ZNF423: variants seen among roughly 807,000 people sequenced by gnomAD.
ZNF423 encodes Ebf-associated zinc finger protein.
Under a neutral mutation model 95.8 loss-of-function variants are expected in ZNF423, and 12 were observed. The observed-to-expected ratio is 0.13, with a 90% CI of 0.08 to 0.20. The LOEUF (loss-of-function observed/expected upper bound fraction) is 0.20, where lower values mean the gene tolerates loss of function less well. ZNF423 is among the 10% of genes least tolerant of loss of function. The pLI, the probability that ZNF423 is intolerant of heterozygous loss-of-function variation, is 1.00. For synonymous variants in ZNF423, 749 were observed against 711.9 expected, an observed-to-expected ratio of 1.05 and a Z score of -0.83; for missense variants, 1,316 against 1,737.1, an observed-to-expected ratio of 0.76 and a Z score of 4.31.
intron 3 of ZNF423, among the ~76,000 whole-genome samples, chr16:49,688,212 G>A (rs914840182): frequency 7.9e-5 from 12 of 152,044 alleles, no homozygotes; most frequent in Admixed American, 6.6e-4. Context: ...CCCAGGGACC[G>A]AGCTTAAGTA....
chr16:49,607,278 C>A (rs1971570307), intron 5 of ZNF423, among the ~76,000 whole-genome samples: 1 of 151,952 alleles, frequency 6.6e-6, no homozygotes, highest in Non-Finnish European at 1.5e-5. Context: ...TGCAGCCCTG[C>A]ATAACAGGCC....
At chr16:49,653,652 G>A (rs1009032677) in intron 3 of ZNF423, among the ~76,000 whole-genome samples, 3 of 152,186 alleles carry the variant, frequency 2.0e-5, no homozygotes, top group Non-Finnish European at 2.9e-5. Flanking sequence ...TGATGGCTTA[G>A]AGGGAAGCAG....
At chr16:49,506,836 C>CATGG (rs1181579032) in intron 7 of ZNF423, among the ~76,000 whole-genome samples, 2 of 143,824 alleles carry the variant, frequency 1.4e-5, no homozygotes, top group South Asian at 2.2e-4. Flanking sequence ...AGGATGGATG[C>CATGG]ATGGATGGAT....
chr16:49,664,104 C>CA, intron 3 of ZNF423: 7 of 985,644 alleles, frequency 7.1e-6, no homozygotes, highest in Non-Finnish European at 8.4e-6. Flanking sequence ...TCCCCCTGCT[C>CA]ACCAGGGCGT....
At chr16:49,582,689 CAA>C (rs150215518) in intron 5 of ZNF423, among the ~76,000 whole-genome samples, 7,090 of 152,176 alleles carry the variant, frequency 0.047, 169 homozygotes, top group Non-Finnish European at 0.052. Flanking sequence ...AGGGAGGAGT[CAA>C]GAGGGGTTAG....
At chr16:49,531,700 G>A (rs1968852004) in intron 5 of ZNF423, among the ~76,000 whole-genome samples, 1 of 152,322 alleles carries the variant, frequency 6.6e-6, no homozygotes, top group South Asian at 2.1e-4. Flanking sequence ...ATTTAGGCTG[G>A]GAGTCAACCA....
chr16:49,808,434 A>G (rs2034699737), intron 1 of ZNF423, among the ~76,000 whole-genome samples: 1 of 152,184 alleles, frequency 6.6e-6, no homozygotes, highest in Non-Finnish European at 1.5e-5. Flanking sequence ...ATAAATATAT[A>G]TAAGTATGAA....
Position 49,490,114 on chromosome 16 carries a change from G to A in ZNF423, c.*1161C>T, listed in dbSNP as rs1377592848. On this transcript the variant is annotated 3_prime_UTR_variant, in exon 8 of 8. Transcript: ENST00000563137. ...TACTGATCTCTATGACTGGGAACCT[G>A]CGGCTCCTACCTGGCTCTGCTCTGC... 6.6e-6 allele frequency: 1 copy of A among 152,272 alleles called. No homozygotes were observed. The highest frequency in any genetic ancestry group is 2.4e-5 in the African/African-American group (1 of 41,452). 9.4% of individuals were successfully genotyped at this position (152,272 alleles called of 1,614,324 possible). A position where few individuals can be genotyped will look rare whatever the true frequency, so the allele number is the denominator to read the frequency against.
chr16:49,597,358 G>A (rs770234777), intron 5 of ZNF423, among the ~76,000 whole-genome samples: 8 of 152,132 alleles, frequency 5.3e-5, no homozygotes, highest in South Asian at 4.1e-4. Flanking sequence ...ACCCTGAGAC[G>A]TGCTGTCAGT....
chr16:49,763,730 TC>T (rs2033873986), intron 2 of ZNF423, among the ~76,000 whole-genome samples: 2 of 152,264 alleles, frequency 1.3e-5, no homozygotes. Flanking sequence ...TGGTTGTTCA[TC>T]TTTATTGCTG....
intron 3 of ZNF423, among the ~76,000 whole-genome samples, chr16:49,670,706 G>C (rs1056911942): frequency 1.3e-5 from 2 of 152,204 alleles, no homozygotes; most frequent in African/African-American, 4.8e-5. Context: ...TGAAACCCAA[G>C]CAAAACAGCA....
At chr16:49,509,788 C>T (rs1193279612) in intron 7 of ZNF423, among the ~76,000 whole-genome samples, 1 of 152,172 alleles carries the variant, frequency 6.6e-6, no homozygotes, top group Non-Finnish European at 1.5e-5. Flanking sequence ...AAACATCCTG[C>T]CCTTGGTGTT....
At chr16:49,784,864 C>A (rs534887173) in intron 2 of ZNF423, among the ~76,000 whole-genome samples, 34 of 151,376 alleles carry the variant, frequency 2.2e-4, no homozygotes, top group African/African-American at 8.0e-4. Flanking sequence ...GCAGGAGAAT[C>A]GCTTGAACCC....
At chr16:49,750,999 G>A (rs373567925) in intron 2 of ZNF423, among the ~76,000 whole-genome samples, 25 of 152,262 alleles carry the variant, frequency 1.6e-4, no homozygotes, top group Admixed American at 9.1e-4. Flanking sequence ...GAGGCCCGAC[G>A]GCGACGAAAG....
intron 1 of ZNF423, among the ~76,000 whole-genome samples, chr16:49,814,469 G>A (rs1043729265): frequency 4.1e-4 from 62 of 151,162 alleles, no homozygotes; most frequent in African/African-American, 1.5e-3. Context: ...GGCTGTGCCA[G>A]GATAAACTGC....
intron 3 of ZNF423, among the ~76,000 whole-genome samples, chr16:49,727,382 T>C (rs1400808128): frequency 6.6e-6 from 1 of 151,868 alleles, no homozygotes; most frequent in African/African-American, 2.4e-5. Context: ...GAAGCTCCCC[T>C]CCCACCCCTG....
intron 3 of ZNF423, among the ~76,000 whole-genome samples, chr16:49,648,471 G>A (rs1349564676): frequency 3.9e-5 from 6 of 151,994 alleles, no homozygotes; most frequent in East Asian, 1.9e-4. Context: ...GAGAAACCCC[G>A]TCTCTACTAA....
At chr16:49,642,787 A>G (rs1305132196) in intron 3 of ZNF423, among the ~76,000 whole-genome samples, 2 of 149,000 alleles carry the variant, frequency 1.3e-5, no homozygotes, top group African/African-American at 5.0e-5. Context: ...CAGCAGAGAA[A>G]GCGGTTCTCT....
chr16:49,502,025 C>T (rs1184552919), intron 7 of ZNF423, among the ~76,000 whole-genome samples: 1 of 152,164 alleles, frequency 6.6e-6, no homozygotes, highest in Non-Finnish European at 1.5e-5. Flanking sequence ...TTCCTGGAAT[C>T]TAAAATAAAA....
Sources: allele counts gnomAD v4.1 joint callset (sites outside exome capture counted in the v4.1 genomes callset), GRCh38; gene constraint gnomAD v4.1.1; transcripts MANE v1.5; gene names NCBI Gene and HGNC (gene_info 2026-07-23, HGNC 2026-07-21).